NCOR2: variants seen among roughly 807,000 people sequenced by gnomAD.
NCOR2 encodes CTG repeat protein 26.
A neutral mutation model predicts 262.9 loss-of-function variants in NCOR2; 81 were observed. That is an observed-to-expected ratio of 0.31 (90% CI 0.26 to 0.37). The LOEUF is 0.37. NCOR2 is among the 10% of genes least tolerant of loss of function. NCOR2 has a pLI of 1.00. For missense variants in NCOR2, 3,385 were observed against 3,621.4 expected, an observed-to-expected ratio of 0.93 and a Z score of 1.68; for synonymous variants, 1,659 against 1,559.3, an observed-to-expected ratio of 1.06 and a Z score of -1.51.
chr12:124,535,322 C>CA (rs940347633), intron 1 of NCOR2, among the ~76,000 whole-genome samples: 2 of 152,338 alleles, frequency 1.3e-5, no homozygotes, highest in Admixed American at 6.5e-5. Flanking sequence ...CAGGTGTCAT[C>CA]AAAAAATCAC....
chr12:124,400,418 C>T, intron 15 of NCOR2, 83 bp downstream of exon 17: 1 of 1,548,358 alleles, frequency 6.5e-7, no homozygotes, highest in Non-Finnish European at 8.7e-7. Context: ...CCAATTAACT[C>T]AAATTGCACG....
chr12:124,451,153 C>A (rs1198693389), intron 6 of NCOR2, among the ~76,000 whole-genome samples: 1 of 152,270 alleles, frequency 6.6e-6, no homozygotes. Context: ...CCTAGCCTGG[C>A]CTGCAGGAAG....
intron 17 of NCOR2, among the ~76,000 whole-genome samples, chr12:124,385,384 G>A (rs949929447): frequency 6.6e-6 from 1 of 152,170 alleles, no homozygotes; most frequent in Non-Finnish European, 1.5e-5. Flanking sequence ...TCATTCCAAC[G>A]CGCTGACAGC....
intron 38 of NCOR2, chr12:124,336,450 G>T: frequency 5.6e-6 from 2 of 357,920 alleles, no homozygotes; most frequent in Non-Finnish European, 9.2e-6. Flanking sequence ...CAAATGATGA[G>T]CGCCCCCAAA....
rs1337624694 is a variant in NCOR2, at chr12:124,517,875, C to G, written c.-118+17690G>C. Among the ~76,000 whole-genome samples the G allele has an allele frequency of 1.3e-5, 2 of 152,194 alleles. No homozygotes were observed. Among genetic ancestry groups the G allele is most frequent in the Non-Finnish European group, 2.9e-5 (2 of 68,032 alleles). ...CCCACCATCCCGCTGAGCTCAGGGC[C>G]GACAACACTGCGCTGCCAGGGGAGG... On this transcript the variant is annotated intron_variant, in intron 1 of 46. Coordinates refer to the NCOR2 transcript ENST00000404621. This position sits in a 1 kb window ranked among gnomAD's most constrained non-coding sequence, Gnocchi z 7.6.
At position 124,382,285 on chromosome 12, in the gene NCOR2, C is replaced by A. The variant is rs544870842; in HGVS notation, c.2019+3460G>T. On this transcript the variant is annotated intron_variant, in intron 17 of 46. Transcript: ENST00000405201. Reference sequence around the variant, plus strand: ...ACACCAAGAACGGCTACTGTCAAGACGGATGGCCTGGCCTGAGCCCCACTT... The same window carrying A: ...ACACCAAGAACGGCTACTGTCAAGAAGGATGGCCTGGCCTGAGCCCCACTT... Among the ~76,000 whole-genome samples the A allele has an allele frequency of 3.0e-4, 46 of 152,334 alleles. No homozygotes were observed. In the Middle Eastern group the frequency reaches 0.01, roughly 34 times the overall value.
In NCOR2 at chr12:124,548,572, C is replaced by T. The variant is rs2051610688; in HGVS notation, c.-164-12961G>A. Reference sequence around the variant, plus strand: ...GAGGGTCTCGATGGCAATGCTGTTCCCCCCCAAACATAGTTACTGTTTATT... The same window carrying T: ...GAGGGTCTCGATGGCAATGCTGTTCTCCCCCAAACATAGTTACTGTTTATT... On this transcript the variant is annotated intron_variant, in intron 1 of 32. Coordinates refer to the NCOR2 transcript ENST00000458234. This position sits in a 1 kb window ranked among gnomAD's most constrained non-coding sequence, Gnocchi z 5.1. 2.0e-5 allele frequency among the ~76,000 whole-genome samples: 3 copies of T among 152,016 alleles called. No homozygotes were observed. Among genetic ancestry groups the T allele is most frequent in the Non-Finnish European group, 4.4e-5 (3 of 68,008 alleles).
chr12:124,388,137 A>G (rs1484424124), intron 16 of NCOR2, among the ~76,000 whole-genome samples: 1 of 152,016 alleles, frequency 6.6e-6, no homozygotes, highest in Non-Finnish European at 1.5e-5. Flanking sequence ...CTCCCAAAGG[A>G]GCTGGGCAGA....
rs368718177 is a variant in NCOR2 at position 124,560,547 on chromosome 12, A to G, written c.-165+6761T>C. On this transcript the variant is annotated intron_variant, in intron 1 of 32. Coordinates refer to the NCOR2 transcript ENST00000458234. Reference sequence around the variant, plus strand: ...CAACTCTTGCTTTCTACGTTCCACAATCGGCTCCGAAACATATTATCACGT... The same window carrying G: ...CAACTCTTGCTTTCTACGTTCCACAGTCGGCTCCGAAACATATTATCACGT... 7.2e-5 allele frequency among the ~76,000 whole-genome samples: 11 copies of G among 152,380 alleles called. No homozygotes were observed. In the East Asian group the frequency reaches 1.9e-3, roughly 27 times the overall value.
At chr12:124,434,620 C>T (rs1237256280) in intron 8 of NCOR2, among the ~76,000 whole-genome samples, 1 of 152,134 alleles carries the variant, frequency 6.6e-6, no homozygotes, top group African/African-American at 2.4e-5. Flanking sequence ...AAATCAGATC[C>T]TCTCCTGCCC....
rs12426064 is a variant in NCOR2, at chr12:124,518,506, C to T, written c.-118+17059G>A. 9.6e-3 allele frequency among the ~76,000 whole-genome samples: 1,461 copies of T among 152,384 alleles called. 60 individuals are homozygous for T. Among genetic ancestry groups the T allele is most frequent in the Admixed American group, 0.076 (1,163 of 15,310 alleles). ...GCGACAAGTGCGGGGCCGCCTGACCCCACGGCTGGGCCGTGAACGAGACGT... is the reference window on the plus strand; with the variant it reads ...GCGACAAGTGCGGGGCCGCCTGACCTCACGGCTGGGCCGTGAACGAGACGT... On this transcript the variant is annotated intron_variant, in intron 1 of 46. Coordinates refer to the NCOR2 transcript ENST00000404621.
intron 1 of NCOR2, among the ~76,000 whole-genome samples, chr12:124,544,462 G>T (rs372374210): frequency 2.0e-5 from 3 of 152,194 alleles, no homozygotes; most frequent in Admixed American, 6.5e-5. Context: ...GGCACCATCC[G>T]CCAGAAGCAA....
chr12:124,553,990 G>A (rs750876252), intron 1 of NCOR2, among the ~76,000 whole-genome samples: 2 of 152,206 alleles, frequency 1.3e-5, no homozygotes, highest in Non-Finnish European at 2.9e-5. Context: ...CCTTGGCATG[G>A]TCAGCACCCT....
chr12:124,431,440 GCAGA>G (rs145871522), intron 8 of NCOR2, among the ~76,000 whole-genome samples: 2,811 of 145,860 alleles, frequency 0.019, 82 homozygotes, highest in African/African-American at 0.067. Context: ...AGTCACACAG[GCAGA>G]CAGACAGTCA....
intron 37 of NCOR2, among the ~76,000 whole-genome samples, chr12:124,337,922 A>G (rs2036031348): frequency 6.6e-6 from 1 of 152,216 alleles, no homozygotes. Context: ...ATGAGCGGGC[A>G]GTGGGCAGGC....
At chr12:124,390,897 A>G (rs545113750) in intron 16 of NCOR2, among the ~76,000 whole-genome samples, 65 of 152,386 alleles carry the variant, frequency 4.3e-4, no homozygotes, top group African/African-American at 1.5e-3. Flanking sequence ...AAGTCCAGCC[A>G]GGAGGTCTGA....
At chr12:124,332,212 T>C in intron 43 of NCOR2, 107 bp downstream of exon 45, 1 of 1,415,508 alleles carries the variant, frequency 7.1e-7, no homozygotes, top group East Asian at 2.3e-5. Flanking sequence ...CACTTAGCTT[T>C]CGAAGGTGCA....
intron 7 of NCOR2, 123 bp downstream of exon 9, chr12:124,449,692 G>A: frequency 8.4e-7 from 1 of 1,187,302 alleles, no homozygotes; most frequent in Non-Finnish European, 1.2e-6. Flanking sequence ...GGGAGCACCT[G>A]GCCCTGGCCG....
rs1243955238 is a variant in NCOR2 at position 124,523,213 on chromosome 12, G to A, written c.-118+12352C>T. Among the ~76,000 whole-genome samples, 1 of 152,100 alleles carries A rather than the reference G, an allele frequency of 6.6e-6. No individual in the cohort carries two copies. ...CCGCCCCCACCCACAGCAGCTGTGAGCTGGCAGCTGGCAGAGTTAATTGCT... is the reference window on the plus strand; with the variant it reads ...CCGCCCCCACCCACAGCAGCTGTGAACTGGCAGCTGGCAGAGTTAATTGCT... On this transcript the variant is annotated intron_variant, in intron 1 of 46. Coordinates refer to the NCOR2 transcript ENST00000404621. The surrounding 1 kb of genome is among the most constrained non-coding windows in gnomAD (Gnocchi z 4.0).
Sources: gnomAD v4.1 joint callset for allele counts (sites outside exome capture counted in the v4.1 genomes callset) on GRCh38, gnomAD v4.1.1 for gene constraint, Gnocchi (gnomAD v3.1) non-coding constraint, MANE v1.5 for transcripts, NCBI Gene and HGNC (gene_info 2026-07-23, HGNC 2026-07-21) for gene names.